The following FHIT variants were observed in gnomAD, a reference collection of about 807,000 sequenced individuals.
FHIT encodes fragile histidine triad diadenosine triphosphatase.
FHIT carries 19 observed loss-of-function variants against 17.9 expected under a neutral mutation model. The observed-to-expected ratio is 1.06, with a 90% confidence interval of 0.74 to 1.56. The LOEUF (loss-of-function observed/expected upper bound fraction) is 1.56, where lower values mean the gene tolerates loss of function less well. Ranked by LOEUF, FHIT falls within the 40% of genes most tolerant of loss-of-function variation. The probability of loss-of-function intolerance (pLI) is 0.00; values close to 1 mark genes in which losing one functional copy is unlikely to be tolerated. For missense variants in FHIT, 248 were observed against 189.2 expected (o/e 1.31, Z -1.82); for synonymous variants, 81 against 69.7 (o/e 1.16, Z -0.81).
intron 3 of FHIT, among the ~76,000 whole-genome samples, chr3:60,921,569 A>G (rs1176783611): frequency 6.6e-6 from 1 of 152,234 alleles, no homozygotes; most frequent in African/African-American, 2.4e-5. Context: ...TTTTTAAATA[A>G]CATTATAACT....
Position 60,145,678 on chromosome 3 carries a change from G to A in FHIT, c.104-131526C>T, listed in dbSNP as rs765027468. ...GCTGACATACCAGTTTGACTCAACTGACTATTACCCTTACAATGAGCAGCT... is the reference window on the plus strand; with the variant it reads ...GCTGACATACCAGTTTGACTCAACTAACTATTACCCTTACAATGAGCAGCT... On this transcript the variant is annotated intron_variant, in intron 5 of 9. Coordinates refer to ENST00000492590, the MANE Select transcript of FHIT (RefSeq NM_002012.4). Among the ~76,000 whole-genome samples, 56 of 152,120 alleles carry A rather than the reference G, an allele frequency of 3.7e-4. 1 individual carries two copies. Among genetic ancestry groups the A allele is most frequent in the Non-Finnish European group, 7.6e-4 (52 of 68,020 alleles).
intron 8 of FHIT, among the ~76,000 whole-genome samples, chr3:59,914,984 G>C (rs1386232275): frequency 6.6e-6 from 1 of 152,106 alleles, no homozygotes; most frequent in East Asian, 1.9e-4. Flanking sequence ...CAAGAACCTT[G>C]AATGTAAACC....
intron 5 of FHIT, among the ~76,000 whole-genome samples, chr3:60,178,469 C>T (rs1283222362): frequency 6.6e-6 from 1 of 151,894 alleles, no homozygotes; most frequent in East Asian, 1.9e-4. Context: ...ACCTGTAGTC[C>T]CAGCTACTCA....
intron 4 of FHIT, among the ~76,000 whole-genome samples, chr3:60,577,567 C>T (rs1356852277): frequency 1.3e-5 from 2 of 151,954 alleles, no homozygotes; most frequent in African/African-American, 4.8e-5. Flanking sequence ...TCAAATAATC[C>T]CAAAAGTGTA....
intron 5 of FHIT, among the ~76,000 whole-genome samples, chr3:60,393,497 G>A (rs1194337586): frequency 1.3e-5 from 2 of 151,058 alleles, no homozygotes; most frequent in Non-Finnish European, 2.9e-5. Context: ...CTTCTACAAA[G>A]GAAATAAGTG....
At chr3:59,974,439 G>A (rs1708321368) in intron 7 of FHIT, among the ~76,000 whole-genome samples, 1 of 152,096 alleles carries the variant, frequency 6.6e-6, no homozygotes, top group African/African-American at 2.4e-5. Flanking sequence ...CAGGTATTTA[G>A]GCCATCCTGG....
At chr3:60,605,426 T>G (rs2038578455) in intron 4 of FHIT, among the ~76,000 whole-genome samples, 2 of 152,172 alleles carry the variant, frequency 1.3e-5, no homozygotes, top group Non-Finnish European at 1.5e-5. Flanking sequence ...AGAGATCAAA[T>G]ATTCACTCCG....
chr3:60,452,295 GCTTTAT>G (rs1433190453), intron 5 of FHIT, among the ~76,000 whole-genome samples: 1 of 152,088 alleles, frequency 6.6e-6, no homozygotes, highest in East Asian at 1.9e-4. Flanking sequence ...CGATTCATAT[GCTTTAT>G]CTCATTTCAG....
intron 5 of FHIT, among the ~76,000 whole-genome samples, chr3:60,321,550 G>T (rs865920905): frequency 2.0e-5 from 3 of 152,184 alleles, no homozygotes; most frequent in Middle Eastern, 6.8e-3. Flanking sequence ...GGCATTGAGG[G>T]GTTACAAAAC....
At chr3:60,353,241 T>A (rs1453842443) in intron 5 of FHIT, among the ~76,000 whole-genome samples, 2 of 152,104 alleles carry the variant, frequency 1.3e-5, no homozygotes, top group East Asian at 3.9e-4. Context: ...TCTAACTACC[T>A]CTTCCATCGG....
At chr3:60,123,999 TATATATATATAGAGAGAG>T (rs1330203305) in intron 5 of FHIT, among the ~76,000 whole-genome samples, 2 of 30,916 alleles carry the variant, frequency 6.5e-5, no homozygotes, top group East Asian at 6.3e-4. Context: ...TATATATATA[TATATATATATAGAGAGAG>T]AGAGAGAGAG....
chr3:59,788,882 T>TATG lies in FHIT; in HGVS notation c.349-36562_349-36561insCAT, dbSNP rs1372411036. 1.8e-4 allele frequency among the ~76,000 whole-genome samples: 8 copies of TATG among 44,794 alleles called. 1 individual carries two copies. Among genetic ancestry groups the TATG allele is most frequent in the Non-Finnish European group, 4.2e-4 (8 of 19,002 alleles). 29.4% of individuals were successfully genotyped at this position (44,794 alleles called of 152,430 possible). ...CCACGTTCTTTGCTGAGTTCATATG[T>TATG]TTTTTTTTTTTACCCCATCTCCAAA... On this transcript the variant is annotated intron_variant, in intron 8 of 9. Transcript: ENST00000492590.
At chr3:60,490,867 G>A (rs2107499744) in intron 5 of FHIT, among the ~76,000 whole-genome samples, 1 of 152,212 alleles carries the variant, frequency 6.6e-6, no homozygotes, top group Middle Eastern at 3.4e-3. Context: ...CAGGTATAAA[G>A]ATGTTAAGTA....
chr3:60,070,795 G>C (rs898790291), intron 5 of FHIT, among the ~76,000 whole-genome samples: 66 of 152,146 alleles, frequency 4.3e-4, no homozygotes, highest in African/African-American at 1.5e-3. Context: ...GTTTTATTCT[G>C]TACGCCTTTT....
chr3:61,169,121 A>T (rs1349656418), intron 2 of FHIT, among the ~76,000 whole-genome samples: 1 of 152,184 alleles, frequency 6.6e-6, no homozygotes. Context: ...CCTACACATC[A>T]TCTATAAACA....
intron 7 of FHIT, among the ~76,000 whole-genome samples, chr3:59,962,278 G>A (rs1050854631): frequency 6.6e-6 from 1 of 152,176 alleles, no homozygotes; most frequent in Non-Finnish European, 1.5e-5. Context: ...CTGTCAACTA[G>A]AGATGGGGCT....
chr3:59,911,447 G>A (rs192180985), intron 8 of FHIT, among the ~76,000 whole-genome samples: 1 of 152,254 alleles, frequency 6.6e-6, no homozygotes, highest in Admixed American at 6.5e-5. Flanking sequence ...GTCTATCTTG[G>A]AGAGTACTGG....
intron 5 of FHIT, among the ~76,000 whole-genome samples, chr3:60,187,578 T>C (rs1354891809): frequency 6.6e-6 from 1 of 152,140 alleles, no homozygotes; most frequent in Non-Finnish European, 1.5e-5. Context: ...AAAATGGCAT[T>C]CTGCTGAATC....
intron 5 of FHIT, among the ~76,000 whole-genome samples, chr3:60,365,024 G>T (rs961603178): frequency 6.7e-6 from 1 of 150,244 alleles, no homozygotes; most frequent in Non-Finnish European, 1.5e-5. Flanking sequence ...TCATATATAT[G>T]TTTGTATGTA....
Sources: allele counts gnomAD v4.1 joint callset (sites outside exome capture counted in the v4.1 genomes callset), GRCh38; gene constraint gnomAD v4.1.1; transcripts MANE v1.5; gene names NCBI Gene and HGNC (gene_info 2026-07-23, HGNC 2026-07-21).